FCRL3: variants seen among roughly 807,000 people sequenced by gnomAD.
The protein encoded by FCRL3 is Fc receptor like 3, also known as Fc receptor-like protein 3.
FCRL3 carries 89 observed loss-of-function variants against 75.0 expected under a neutral mutation model. That is an observed-to-expected ratio of 1.19 (90% CI 1.00 to 1.42). The LOEUF is 1.42. Ranked by LOEUF, FCRL3 falls within the 40% of genes most tolerant of loss-of-function variation. FCRL3 has a pLI of 0.00. For missense variants in FCRL3, 946 were observed against 880.0 expected (o/e 1.07, Z -0.95); for synonymous variants, 376 against 348.5 (o/e 1.08, Z -0.88).
intron 10 of FCRL3, among the ~76,000 whole-genome samples, chr1:157,686,965 G>T (rs572679313): frequency 3.3e-5 from 5 of 152,180 alleles, no homozygotes; most frequent in Admixed American, 1.3e-4. Context: ...AAGAGCTTCT[G>T]CACGGCAAAA....
chr1:157,697,538 C>T (rs1004839726), intron 5 of FCRL3, 114 bp from the exon 6 acceptor site: 6 of 1,457,020 alleles, frequency 4.1e-6, no homozygotes, highest in Middle Eastern at 2.4e-4. Context: ...GCAGAAGGAA[C>T]CATCTCCCTC....
rs1268135588 is a variant in FCRL3 at position 157,696,336 on chromosome 1, A to G, written c.845-9T>C. ...ATTAGACACAGGGACTCCTGGGGGAACACAAGATGGCATGTGAAGGTCCTG... is the reference window on the plus strand; with the variant it reads ...ATTAGACACAGGGACTCCTGGGGGAGCACAAGATGGCATGTGAAGGTCCTG... On this transcript the variant is annotated splice_polypyrimidine_tract_variant and intron_variant, in intron 6 of 14. Coordinates refer to ENST00000368184, the MANE Select transcript of FCRL3 (RefSeq NM_052939.4). 5 of 1,613,092 alleles carry G rather than the reference A, an allele frequency of 3.1e-6. No individual in the cohort carries two copies. The highest frequency in any genetic ancestry group is 1.3e-5 in the African/African-American group (1 of 74,918).
chr1:157,680,859 A>G (rs1293429231), intron 12 of FCRL3, 89 bp from the exon 13 acceptor site: 3 of 1,468,182 alleles, frequency 2.0e-6, no homozygotes, highest in Non-Finnish European at 2.8e-6. Context: ...ACCAACTTCT[A>G]TTCCCAGTGT....
intron 9 of FCRL3, 108 bp downstream of exon 9, chr1:157,690,147 G>T: frequency 6.9e-7 from 1 of 1,443,230 alleles, no homozygotes; most frequent in Non-Finnish European, 9.4e-7. Flanking sequence ...CCAAGCCTTC[G>T]TGTGCATGTT....
intron 13 of FCRL3, among the ~76,000 whole-genome samples, chr1:157,680,162 A>T (rs1407038251): frequency 6.6e-6 from 1 of 152,190 alleles, no homozygotes; most frequent in East Asian, 1.9e-4. Flanking sequence ...TAAAGGTGCC[A>T]AGAGTTCAGT....
At chr1:157,684,633 G>A (rs772650247) in intron 10 of FCRL3, among the ~76,000 whole-genome samples, 5 of 152,122 alleles carry the variant, frequency 3.3e-5, no homozygotes, top group Admixed American at 6.6e-5. Context: ...GGGCCAGCAC[G>A]GTGCTAAGCA....
At chr1:157,694,049 C>A (rs561425757) in intron 8 of FCRL3, among the ~76,000 whole-genome samples, 1 of 152,216 alleles carries the variant, frequency 6.6e-6, no homozygotes, top group South Asian at 2.1e-4. Context: ...TGCACCCGGC[C>A]CCTTATTTAA....
chr1:157,681,003 C>T lies in FCRL3; in HGVS notation c.1935G>A (p.Glu645=). ...PTHSKPLAPM[E]LEPMYSNVNP... ...CACCATTGCTGTACATTGGCTCCAG[C>T]TCCATTGGGGCTAGTGGTTTAGAGT... Residue 645 remains glutamate, a synonymous_variant, in exon 12 of 15, where the codon GAG becomes GAA. Coordinates refer to ENST00000368184, the MANE Select transcript of FCRL3 (RefSeq NM_052939.4). 1 of 1,594,542 alleles carries T rather than the reference C, an allele frequency of 6.3e-7. No individual in the cohort carries two copies. The highest frequency in any genetic ancestry group is 8.5e-7 in the Non-Finnish European group (1 of 1,173,366).
rs147133369 is a variant in FCRL3, at chr1:157,699,697, T to A, written c.47A>T (p.Gln16Leu). The change falls in exon 3 of 15, where the codon CAA becomes CTA. Residue 16 changes from glutamine to leucine, a missense_variant. By Grantham distance (113) the Gln-to-Leu change is moderately radical. Coordinates refer to ENST00000368184, the MANE Select transcript of FCRL3 (RefSeq NM_052939.4). ...AGAGAGAAGGAGAAACTTACCTGAT[T>A]GTTCTCTTCCAGGAGCTGTGAGGGA... ...LLLILTPGRE[Q>L]SGVAPKAVLL... is the part of the protein sequence containing the mutation. 7 of 1,613,520 alleles carry A rather than the reference T, an allele frequency of 4.3e-6. No homozygotes were observed. In the South Asian group the frequency reaches 7.7e-5, roughly 18 times the overall value.
At chr1:157,695,256 C>A (rs2101619068) in intron 8 of FCRL3, 73 bp downstream of exon 8, 1 of 1,455,846 alleles carries the variant, frequency 6.9e-7, no homozygotes, top group Non-Finnish European at 9.4e-7. Context: ...AGCAAATAGC[C>A]CAGTGGAGCT....
chr1:157,694,004 C>T (rs1258288149), intron 8 of FCRL3, among the ~76,000 whole-genome samples: 1 of 152,148 alleles, frequency 6.6e-6, no homozygotes, highest in Non-Finnish European at 1.5e-5. Context: ...CCCACCTCGG[C>T]CTCCCAAAAT....
In FCRL3 at chr1:157,690,377, T is replaced by C; in HGVS notation, c.1568A>G (p.His523Arg). The C allele has an allele frequency of 1.9e-6, 3 of 1,614,070 alleles. No homozygotes were observed. The highest frequency in any genetic ancestry group is 1.7e-6 in the Non-Finnish European group (2 of 1,180,010). ...EDDTLGNISAHSGGGASFNLS... is the reference protein window; with the variant it reads ...EDDTLGNISARSGGGASFNLS... ...GTTGAAGGATGCCCCTCCTCCAGAGTGGGCCGAGATGTTCCCCAAGGTGTC... is the reference window on the plus strand; with the variant it reads ...GTTGAAGGATGCCCCTCCTCCAGAGCGGGCCGAGATGTTCCCCAAGGTGTC... The change falls in exon 9 of 15, where the codon CAC becomes CGC. Residue 523 changes from histidine to arginine, a missense_variant. His to Arg is a conservative substitution (Grantham distance 29). Transcript: ENST00000368184.
intron 10 of FCRL3, among the ~76,000 whole-genome samples, chr1:157,686,131 G>A (rs555100251): frequency 5.9e-5 from 9 of 152,004 alleles, no homozygotes; most frequent in Non-Finnish European, 1.0e-4. Flanking sequence ...AAAACCAGTA[G>A]CATTTCTATA....
intron 8 of FCRL3, among the ~76,000 whole-genome samples, chr1:157,691,151 CA>C: frequency 6.6e-6 from 1 of 151,916 alleles, no homozygotes; most frequent in East Asian, 1.9e-4. Flanking sequence ...AATTTATGCT[CA>C]ATAATTGATG....
At chr1:157,690,699 T>G (rs1390027375) in intron 8 of FCRL3, among the ~76,000 whole-genome samples, 166 bp from the exon 9 acceptor site, 1 of 152,242 alleles carries the variant, frequency 6.6e-6, no homozygotes, top group Non-Finnish European at 1.5e-5. Context: ...ATAAGCTTGA[T>G]TTTTTAAGAA....
chr1:157,697,630 C>T (rs1656025005), intron 5 of FCRL3, 29 bp downstream of exon 5: 1 of 1,594,646 alleles, frequency 6.3e-7, no homozygotes, highest in Non-Finnish European at 8.5e-7. Context: ...CCTAACAAAC[C>T]CAGTAATCCA....
At chr1:157,696,907 G>A in intron 6 of FCRL3, 1 of 356,748 alleles carries the variant, frequency 2.8e-6, no homozygotes. Context: ...GTACATCTCT[G>A]TAACCCCATA....
In FCRL3 at chr1:157,677,383, T is replaced by C; in HGVS notation, c.*1327A>G. The C allele has an allele frequency of 1.0e-6, 1 of 985,924 alleles. No individual in the cohort carries two copies. Among genetic ancestry groups the C allele is most frequent in the Non-Finnish European group, 1.2e-6 (1 of 830,270 alleles). The allele number at this position is 985,924 out of a possible 1,614,324, so 61.1% of individuals were successfully genotyped here. A position where few individuals can be genotyped will look rare whatever the true frequency, so the allele number is the denominator to read the frequency against. ...AAGATGTGGTGCTTTGAAAGGGACTTGGTGTTCCTACATGAACCAAGTGAA... is the reference window on the plus strand; with the variant it reads ...AAGATGTGGTGCTTTGAAAGGGACTCGGTGTTCCTACATGAACCAAGTGAA... On this transcript the variant is annotated 3_prime_UTR_variant, in exon 15 of 15. Transcript: ENST00000368184.
rs1459830534 is a variant in FCRL3, at chr1:157,695,487, T to C, written c.1253A>G (p.Tyr418Cys). ...RGSPPILYRF[Y>C]HEDVTLGNSS... ...GTTCCCCAGGGTGACATCCTCATGA[T>C]AAAATCGGTACAGGATCGGGGGAGA... Residue 418 changes from tyrosine (Y) to cysteine (C), a missense_variant, in exon 8 of 15, where the codon TAT (tyrosine) becomes TGT (cysteine). Transcript: ENST00000368184. 3 of 1,614,034 alleles carry C rather than the reference T, an allele frequency of 1.9e-6. No individual in the cohort carries two copies. In the African/African-American group the frequency reaches 4.0e-5, roughly 22 times the overall value.
Sources: allele counts gnomAD v4.1 joint callset (sites outside exome capture counted in the v4.1 genomes callset), GRCh38; gene constraint gnomAD v4.1.1; transcripts MANE v1.5; gene names NCBI Gene and HGNC (gene_info 2026-07-23, HGNC 2026-07-21).